DENND1A: variants seen among roughly 807,000 people sequenced by gnomAD.
The protein encoded by DENND1A is DENN domain containing 1A.
A neutral mutation model predicts 113.7 loss-of-function variants in DENND1A; 51 were observed. That is an observed-to-expected ratio of 0.45 (90% CI 0.36 to 0.57). The LOEUF (loss-of-function observed/expected upper bound fraction) is 0.57, where lower values mean the gene tolerates loss of function less well. DENND1A is among the 20% of genes least tolerant of loss of function. The probability of loss-of-function intolerance (pLI) is 0.00; values close to 1 mark genes in which losing one functional copy is unlikely to be tolerated. For synonymous variants in DENND1A, 565 were observed against 570.8 expected (o/e 0.99, Z 0.14); for missense variants, 1,258 against 1,395.9 (o/e 0.90, Z 1.57).
At chr9:123,444,089 G>A (rs778166754) in intron 18 of DENND1A, among the ~76,000 whole-genome samples, 3 of 152,140 alleles carry the variant, frequency 2.0e-5, no homozygotes, top group African/African-American at 4.8e-5. Context: ...AAGCACTAAC[G>A]TAGCTGTCAG....
chr9:123,856,281 C>T (rs529363849), intron 2 of DENND1A, among the ~76,000 whole-genome samples: 1 of 152,242 alleles, frequency 6.6e-6, no homozygotes, highest in Non-Finnish European at 1.5e-5. Context: ...CATAGGAGGG[C>T]TTGCACAATA....
chr9:123,618,241 T>C (rs998381262), intron 10 of DENND1A, among the ~76,000 whole-genome samples: 2 of 152,186 alleles, frequency 1.3e-5, no homozygotes, highest in South Asian at 2.1e-4. Flanking sequence ...CTGATGTTAC[T>C]TGGTCTGTGG....
intron 6 of DENND1A, among the ~76,000 whole-genome samples, chr9:123,674,340 TCTCACACACACACA>T (rs1248107782): frequency 4.0e-4 from 51 of 127,818 alleles, no homozygotes; most frequent in African/African-American, 1.5e-3. Context: ...TCTGTCTCTC[TCTCACACACACACA>T]CACACACACA....
At chr9:123,690,156 G>A (rs1589680666) in intron 5 of DENND1A, among the ~76,000 whole-genome samples, 2 of 144,550 alleles carry the variant, frequency 1.4e-5, no homozygotes, top group South Asian at 2.3e-4. Flanking sequence ...GAGGGAGGGA[G>A]GGAGGAAGGA....
intron 6 of DENND1A, among the ~76,000 whole-genome samples, chr9:123,675,595 A>G (rs1488179447): frequency 6.6e-6 from 1 of 152,250 alleles, no homozygotes; most frequent in Non-Finnish European, 1.5e-5. Flanking sequence ...TAAAAATCTT[A>G]GGCCATTTAC....
intron 2 of DENND1A, among the ~76,000 whole-genome samples, chr9:123,830,873 GAAAAAAAAAAAAAAAA>G (rs71390447): frequency 1.5e-4 from 6 of 39,310 alleles, no homozygotes; most frequent in Admixed American, 4.7e-4. Flanking sequence ...TCTCAAAAAT[GAAAAAAAAAAAAAAAA>G]AAAAAAAAAA....
chr9:123,531,554 TACACACACACACACACACACACAC>T (rs57819030), intron 13 of DENND1A, among the ~76,000 whole-genome samples: 2,518 of 103,186 alleles, frequency 0.024, 34 homozygotes, highest in Non-Finnish European at 0.031. Context: ...CCTCTCTCTC[TACACACACACACACACACACACAC>T]ACACACACAC....
chr9:123,596,117 A>G (rs991153410), intron 11 of DENND1A, among the ~76,000 whole-genome samples: 1 of 152,244 alleles, frequency 6.6e-6, no homozygotes. Flanking sequence ...AGCATGGCCC[A>G]GAGATAGCTC....
At chr9:123,716,915 T>C (rs1351579615) in intron 5 of DENND1A, among the ~76,000 whole-genome samples, 1 of 152,192 alleles carries the variant, frequency 6.6e-6, no homozygotes, top group Non-Finnish European at 1.5e-5. Context: ...CACCTTACTA[T>C]AACCACATGA....
chr9:123,563,500 A>G (rs1206980470), intron 12 of DENND1A, among the ~76,000 whole-genome samples: 1 of 152,236 alleles, frequency 6.6e-6, no homozygotes, highest in Non-Finnish European at 1.5e-5. Flanking sequence ...AGTATGTACA[A>G]CATGTATACA....
intron 1 of DENND1A, among the ~76,000 whole-genome samples, chr9:123,894,743 CAA>C (rs1850452453): frequency 6.6e-6 from 1 of 152,138 alleles, no homozygotes; most frequent in Admixed American, 6.5e-5. Flanking sequence ...AATTTCTTTT[CAA>C]AAATAATGGT....
At chr9:123,731,720 T>C (rs1447928473) in intron 5 of DENND1A, among the ~76,000 whole-genome samples, 2 of 152,206 alleles carry the variant, frequency 1.3e-5, no homozygotes, top group African/African-American at 2.4e-5. Context: ...GATTGATGTG[T>C]TATGATTTTA....
At chr9:123,550,749 A>C (rs1444983898) in intron 13 of DENND1A, among the ~76,000 whole-genome samples, 3 of 152,244 alleles carry the variant, frequency 2.0e-5, no homozygotes, top group South Asian at 2.1e-4. Flanking sequence ...AGATTGTTTA[A>C]AAAATTCTTT....
intron 4 of DENND1A, among the ~76,000 whole-genome samples, chr9:123,762,626 C>T (rs1015092314): frequency 2.0e-5 from 3 of 152,260 alleles, no homozygotes; most frequent in African/African-American, 7.2e-5. Flanking sequence ...ATATACAACA[C>T]TGAACAATAT....
chr9:123,586,493 C>T (rs2059170434), intron 11 of DENND1A, among the ~76,000 whole-genome samples: 1 of 152,192 alleles, frequency 6.6e-6, no homozygotes, highest in African/African-American at 2.4e-5. Context: ...TCTAACTTAG[C>T]AGGCCAGGGT....
chr9:123,544,655 T>C (rs991159471), intron 13 of DENND1A, among the ~76,000 whole-genome samples: 4 of 152,144 alleles, frequency 2.6e-5, no homozygotes, highest in Non-Finnish European at 5.9e-5. Context: ...CTGTGCATGC[T>C]CTCCACAGGG....
chr9:123,637,587 G>A (rs2061770929), intron 9 of DENND1A, among the ~76,000 whole-genome samples: 1 of 152,104 alleles, frequency 6.6e-6, no homozygotes, highest in Non-Finnish European at 1.5e-5. Context: ...TAATTATAAA[G>A]GGTTCAGCTA....
intron 11 of DENND1A, among the ~76,000 whole-genome samples, chr9:123,606,860 T>A (rs1320904619): frequency 6.6e-6 from 1 of 152,186 alleles, no homozygotes; most frequent in African/African-American, 2.4e-5. Context: ...CAGCTATTAT[T>A]CAGAGCAAGA....
At chr9:123,883,922 A>C (rs763703211) in intron 1 of DENND1A, among the ~76,000 whole-genome samples, 1 of 151,880 alleles carries the variant, frequency 6.6e-6, no homozygotes, top group Non-Finnish European at 1.5e-5. Flanking sequence ...GTCTATAATT[A>C]TAAGTTATGG....
Sources: allele counts gnomAD v4.1 joint callset (sites outside exome capture counted in the v4.1 genomes callset), GRCh38; gene constraint gnomAD v4.1.1; transcripts MANE v1.5; gene names NCBI Gene and HGNC (gene_info 2026-07-23, HGNC 2026-07-21).